NTNG2: variants seen among roughly 807,000 people sequenced by gnomAD.
NTNG2 encodes netrin-G2.
NTNG2 carries 15 observed loss-of-function variants against 47.6 expected under a neutral mutation model. The ratio of observed to expected loss-of-function variants is 0.32; its 90% confidence interval spans 0.21 to 0.49. The LOEUF (loss-of-function observed/expected upper bound fraction) is 0.49, where lower values mean the gene tolerates loss of function less well. Ranked by LOEUF, NTNG2 falls within the 20% of genes least tolerant of loss-of-function variation. The pLI, the probability that NTNG2 is intolerant of heterozygous loss-of-function variation, is 0.99. For missense variants in NTNG2, 578 were observed against 764.6 expected, an observed-to-expected ratio of 0.76 and a Z score of 2.88; for synonymous variants, 307 against 324.6, an observed-to-expected ratio of 0.95 and a Z score of 0.58.
chr9:132,231,828 TC>T lies in NTNG2; in HGVS notation c.1054+1234del. On this transcript the variant is annotated intron_variant, in intron 5 of 7. Coordinates refer to ENST00000393229, the MANE Select transcript of NTNG2 (RefSeq NM_032536.4). The surrounding 1 kb of genome is among the most constrained non-coding windows in gnomAD (Gnocchi z 4.1). ...TACAGCGACCCCTGTCATCCCACCC[TC>T]TCCTGCTTCTAGCCTGGGTCCCTGC... 1.3e-5 allele frequency: 2 copies of T among 159,918 alleles called. No homozygotes were observed. Among genetic ancestry groups the T allele is most frequent in the Admixed American group, 5.9e-5 (1 of 16,862 alleles). The allele number at this position is 159,918 out of a possible 1,614,324, so 9.9% of individuals were successfully genotyped here.
chr9:132,229,349 C>T (rs772775556), intron 4 of NTNG2, among the ~76,000 whole-genome samples: 1 of 152,112 alleles, frequency 6.6e-6, no homozygotes, highest in Non-Finnish European at 1.5e-5. Context: ...CTGGGGGTCA[C>T]CTTGACTGGA....
chr9:132,177,650 TTTTG>T (rs113433484), intron 2 of NTNG2, among the ~76,000 whole-genome samples: 11 of 152,220 alleles, frequency 7.2e-5, no homozygotes, highest in African/African-American at 2.4e-4. Context: ...CTCTGGGTTT[TTTTG>T]TTTGTTTGTT....
chr9:132,240,382 G>A (rs1393696151), intron 6 of NTNG2, among the ~76,000 whole-genome samples: 1 of 152,210 alleles, frequency 6.6e-6, no homozygotes, highest in African/African-American at 2.4e-5. Flanking sequence ...CCAGCACTGA[G>A]CTGCAAGGTT....
At chr9:132,164,200 TTTG>T (rs1461043174) in intron 1 of NTNG2, among the ~76,000 whole-genome samples, 2 of 152,216 alleles carry the variant, frequency 1.3e-5, no homozygotes, top group South Asian at 2.1e-4. Flanking sequence ...CCTGGCAGAT[TTTG>T]TTGTTGTTAG....
chr9:132,230,638 C>T (rs761188278), intron 5 of NTNG2, 43 bp downstream of exon 5: 18 of 1,579,292 alleles, frequency 1.1e-5, no homozygotes, highest in East Asian at 2.3e-5. Flanking sequence ...CCCCACTGCA[C>T]GAGCCTCTTT....
At position 132,198,079 on chromosome 9, in the gene NTNG2, C is replaced by A; in HGVS notation, c.327C>A (p.Ser109Arg). 1.2e-6 allele frequency: 2 copies of A among 1,613,760 alleles called. No homozygotes were observed. The highest frequency in any genetic ancestry group is 1.7e-6 in the Non-Finnish European group (2 of 1,179,962). Residue 109 changes from serine (S) to arginine (R), a missense_variant, in exon 3 of 8, where the codon AGC (serine) becomes AGA (arginine). Transcript: ENST00000393229. ...EEEGLATYWQ[S>R]ITWSRYPSPL... The stretch of plus-strand genomic sequence containing the variant: ...AGGGCCTGGCCACCTACTGGCAGAG[C>A]ATCACCTGGAGCCGCTACCCCAGCC...
rs1479203557 is a variant in NTNG2 at position 132,198,661 on chromosome 9, T to C, written c.857+52T>C. 2.6e-6 allele frequency: 4 copies of C among 1,557,270 alleles called. No individual in the cohort carries two copies. In the Admixed American group the frequency reaches 5.3e-5, roughly 21 times the overall value. Reference sequence around the variant, plus strand: ...CACCTGCAACCTGGGATGCTATCTGTTACCTGGGACGTTATTGGATACCTG... The same window carrying C: ...CACCTGCAACCTGGGATGCTATCTGCTACCTGGGACGTTATTGGATACCTG... On this transcript the variant is annotated intron_variant, in intron 3 of 7. Transcript: ENST00000393229.
rs1842014490 is a variant in NTNG2 at position 132,241,869 on chromosome 9, C to A, written c.1358-7C>A. On this transcript the variant is annotated splice_region_variant and splice_polypyrimidine_tract_variant and intron_variant, in intron 7 of 7. Transcript: ENST00000393229. ...CCCCCCGTGCTGACCGCCCCCTCCG[C>A]CTGCAGCCAACGTGTGCGACGACGA... 1.9e-6 allele frequency: 3 copies of A among 1,557,746 alleles called. No individual in the cohort carries two copies. The East Asian group carries it at 7.5e-5, about 39-fold the overall frequency.
chr9:132,175,812 G>A (rs553229791), intron 2 of NTNG2, among the ~76,000 whole-genome samples: 7 of 152,168 alleles, frequency 4.6e-5, no homozygotes, highest in African/African-American at 1.7e-4. Flanking sequence ...TGAGCAGCCG[G>A]GGAAGATTTG....
chr9:132,188,361 C>T (rs548875846), intron 2 of NTNG2, among the ~76,000 whole-genome samples: 2 of 152,348 alleles, frequency 1.3e-5, no homozygotes, highest in East Asian at 1.9e-4. Context: ...CCCGAGTCTG[C>T]GGGAGCACAG....
chr9:132,223,055 A>C (rs1215525943), intron 3 of NTNG2, among the ~76,000 whole-genome samples: 1 of 152,234 alleles, frequency 6.6e-6, no homozygotes, highest in Admixed American at 6.5e-5. Context: ...CAGAAGTTGC[A>C]GTGAGCCGAG....
At chr9:132,187,462 C>T (rs1000595883) in intron 2 of NTNG2, among the ~76,000 whole-genome samples, 4 of 152,004 alleles carry the variant, frequency 2.6e-5, no homozygotes, top group Non-Finnish European at 5.9e-5. Context: ...GAGAGAGACA[C>T]CTGCACGCTG....
chr9:132,228,018 C>A (rs1258372236), intron 4 of NTNG2, among the ~76,000 whole-genome samples: 2 of 152,226 alleles, frequency 1.3e-5, no homozygotes, highest in African/African-American at 4.8e-5. Flanking sequence ...TTATTACGGT[C>A]CCTTCTCCAG....
At chr9:132,200,239 G>A (rs1838641424) in intron 3 of NTNG2, among the ~76,000 whole-genome samples, 1 of 152,192 alleles carries the variant, frequency 6.6e-6, no homozygotes. Context: ...GAGACCCAAG[G>A]GTGCTGGGGC....
At chr9:132,216,425 T>TGTGTGTGG (rs1839995976) in intron 3 of NTNG2, among the ~76,000 whole-genome samples, 1 of 32,076 alleles carries the variant, frequency 3.1e-5, no homozygotes, top group African/African-American at 1.4e-4. Context: ...TGTGTGTGTG[T>TGTGTGTGG]GTATGTGTGT....
intron 2 of NTNG2, among the ~76,000 whole-genome samples, chr9:132,189,473 G>T (rs557014694): frequency 6.6e-6 from 1 of 152,160 alleles, no homozygotes; most frequent in South Asian, 2.1e-4. Flanking sequence ...TGTGTGTCCA[G>T]GTCCCTCTCT....
At chr9:132,233,128 A>G (rs1841357071) in intron 5 of NTNG2, 1 of 152,248 alleles carries the variant, frequency 6.6e-6, no homozygotes, top group Non-Finnish European at 1.5e-5. Context: ...CTTCAGACAT[A>G]GGTTGGCCCA....
chr9:132,213,784 AATAGTAGT>A (rs1161641995), intron 3 of NTNG2, among the ~76,000 whole-genome samples: 1 of 152,268 alleles, frequency 6.6e-6, no homozygotes, highest in Non-Finnish European at 1.5e-5. Flanking sequence ...GCTGTGTTAA[AATAGTAGT>A]CTAACTTTAG....
Position 132,169,482 on chromosome 9 carries a change from G to A in NTNG2, c.213+2438G>A, listed in dbSNP as rs79232328. 5.1e-4 allele frequency among the ~76,000 whole-genome samples: 77 copies of A among 152,326 alleles called. No homozygotes were observed. The East Asian group carries it at 0.013, about 26-fold the overall frequency. On this transcript the variant is annotated intron_variant, in intron 2 of 7. Transcript: ENST00000393229. ...TTCCCCTGGGAGGGTCCGGGCAGTAGGATGCTCTGAGGTAGGTCCTACTCT... is the reference window on the plus strand; with the variant it reads ...TTCCCCTGGGAGGGTCCGGGCAGTAAGATGCTCTGAGGTAGGTCCTACTCT...
Sources: gnomAD v4.1 joint callset for allele counts (sites outside exome capture counted in the v4.1 genomes callset) on GRCh38, gnomAD v4.1.1 for gene constraint, Gnocchi (gnomAD v3.1) non-coding constraint, MANE v1.5 for transcripts, NCBI Gene and HGNC (gene_info 2026-07-23, HGNC 2026-07-21) for gene names.